The following WDPCP variants were observed in gnomAD, a reference collection of about 807,000 sequenced individuals.
The protein encoded by WDPCP is WD repeat containing planar cell polarity effector, also known as WD repeat-containing and planar cell polarity effector protein fritz homolog.
Under a neutral mutation model 93.1 loss-of-function variants are expected in WDPCP, and 71 were observed. The ratio of observed to expected loss-of-function variants is 0.76; its 90% CI spans 0.63 to 0.93. WDPCP has a LOEUF of 0.93. Among genes scored for constraint, WDPCP ranks in the 40% least tolerant of loss-of-function variants. The pLI is 0.00. For missense variants in WDPCP, 844 were observed against 887.4 expected, an observed-to-expected ratio of 0.95 and a Z score of 0.62; for synonymous variants, 315 against 315.0, an observed-to-expected ratio of 1.00 and a Z score of 0.00.
intron 14 of WDPCP, among the ~76,000 whole-genome samples, chr2:63,223,381 A>G (rs553043458): frequency 2.6e-5 from 4 of 152,286 alleles, no homozygotes; most frequent in East Asian, 3.9e-4. Context: ...CCGAGATAGC[A>G]TATTGTTTGG....
intron 3 of WDPCP, among the ~76,000 whole-genome samples, chr2:63,612,738 A>C (rs1330571579): frequency 6.6e-6 from 1 of 152,118 alleles, no homozygotes; most frequent in African/African-American, 2.4e-5. Context: ...GTTTTCAGTT[A>C]CTCATCACTG....
intron 12 of WDPCP, among the ~76,000 whole-genome samples, chr2:63,358,247 G>GA (rs930031803): frequency 6.8e-5 from 10 of 147,942 alleles, no homozygotes; most frequent in East Asian, 2.0e-4. Context: ...TTTTAAAAAA[G>GA]AAAAAAAAAT....
intron 1 of WDPCP, among the ~76,000 whole-genome samples, chr2:63,520,352 G>A (rs1239164820): frequency 6.6e-6 from 1 of 152,140 alleles, no homozygotes; most frequent in Non-Finnish European, 1.5e-5. Flanking sequence ...AACCTCACTA[G>A]AGAGGCCAAC....
At chr2:63,122,621 G>C (rs1461454011) in intron 17 of WDPCP, among the ~76,000 whole-genome samples, 1 of 152,098 alleles carries the variant, frequency 6.6e-6, no homozygotes, top group African/African-American at 2.4e-5. Flanking sequence ...GTCAGTTACA[G>C]AAAAACAGAA....
intron 2 of WDPCP, among the ~76,000 whole-genome samples, chr2:63,813,466 C>T (rs1002971682): frequency 6.6e-6 from 1 of 152,166 alleles, no homozygotes; most frequent in Non-Finnish European, 1.5e-5. Context: ...CAGCAAGCTG[C>T]CCTTTCAGTC....
rs1472336001 is a variant in WDPCP at position 63,496,742 on chromosome 2, AAAG to A, written c.76-3805_76-3803del. On this transcript the variant is annotated intron_variant, in intron 1 of 17. Transcript: ENST00000272321. Reference sequence around the variant, plus strand: ...GTTTCCCATTAAAAAGCACAGGACAAAAGAAGGAGAGAGACATTCTTCTCCTAC... The same window carrying A: ...GTTTCCCATTAAAAAGCACAGGACAAAAGGAGAGAGACATTCTTCTCCTAC... Among the ~76,000 whole-genome samples, 15 of 152,300 alleles carry A rather than the reference AAAG, an allele frequency of 9.8e-5. No homozygotes were observed. In the East Asian group the frequency reaches 2.3e-3, roughly 24 times the overall value.
At chr2:63,793,530 G>GGCCC (rs1173367968) in intron 2 of WDPCP, among the ~76,000 whole-genome samples, 2 of 152,140 alleles carry the variant, frequency 1.3e-5, no homozygotes, top group African/African-American at 4.8e-5. Context: ...AAGACTGCTT[G>GGCCC]AGCCTAGGAG....
At chr2:63,801,224 G>C (rs914525554) in intron 2 of WDPCP, among the ~76,000 whole-genome samples, 1 of 152,160 alleles carries the variant, frequency 6.6e-6, no homozygotes, top group Non-Finnish European at 1.5e-5. Flanking sequence ...GTTTGCCTCA[G>C]GTTAAAAAAT....
chr2:63,142,523 T>G (rs968954192), intron 17 of WDPCP, among the ~76,000 whole-genome samples: 2 of 152,214 alleles, frequency 1.3e-5, no homozygotes, highest in Non-Finnish European at 2.9e-5. Context: ...TTCAATTTTT[T>G]AAAATTTATT....
At chr2:63,753,158 G>A (rs779526367) in intron 2 of WDPCP, among the ~76,000 whole-genome samples, 1 of 152,060 alleles carries the variant, frequency 6.6e-6, no homozygotes, top group Non-Finnish European at 1.5e-5. Flanking sequence ...GGGGCTGGGC[G>A]CAGTGGCTCA....
At chr2:63,584,137 AAC>A (rs148671468) in intron 1 of WDPCP, among the ~76,000 whole-genome samples, 3,899 of 152,152 alleles carry the variant, frequency 0.026, 153 homozygotes, top group African/African-American at 0.087. Flanking sequence ...CAGCCTGGGA[AAC>A]AGAGTGAGAT....
chr2:63,831,460 T>C (rs569049525), upstream of WDPCP, among the ~76,000 whole-genome samples: 2 of 152,318 alleles, frequency 1.3e-5, no homozygotes, highest in South Asian at 2.1e-4. Flanking sequence ...CTGAACTTTT[T>C]TCCACTTGAG....
chr2:63,560,688 T>C (rs185696046), intron 1 of WDPCP, among the ~76,000 whole-genome samples: 49 of 152,048 alleles, frequency 3.2e-4, no homozygotes, highest in African/African-American at 1.1e-3. Flanking sequence ...TGCAGGGACA[T>C]AGATGAAGCT....
At chr2:63,724,843 G>A (rs56101159) in intron 2 of WDPCP, among the ~76,000 whole-genome samples, 3,812 of 152,284 alleles carry the variant, frequency 0.025, 46 homozygotes, top group East Asian at 0.034. Context: ...ACCTCTGCCA[G>A]CACATGTGGG....
intron 13 of WDPCP, among the ~76,000 whole-genome samples, chr2:63,305,863 A>C (rs1685691235): frequency 6.6e-6 from 1 of 152,180 alleles, no homozygotes. Flanking sequence ...AACATAAATG[A>C]CCTGATGGAG....
intron 13 of WDPCP, among the ~76,000 whole-genome samples, chr2:63,267,622 C>T (rs1268280415): frequency 6.6e-6 from 1 of 152,116 alleles, no homozygotes; most frequent in Non-Finnish European, 1.5e-5. Flanking sequence ...ATAAGGAATT[C>T]AAACAACTCA....
chr2:63,456,282 T>C (rs1205086539), intron 6 of WDPCP, among the ~76,000 whole-genome samples: 1 of 152,038 alleles, frequency 6.6e-6, no homozygotes, highest in Non-Finnish European at 1.5e-5. Flanking sequence ...CCAGGCGTGG[T>C]GGTGCATGCT....
At chr2:63,377,147 GTGACACCACCAATAACTTGTTATT>G (rs1234773535) in intron 12 of WDPCP, among the ~76,000 whole-genome samples, 1 of 151,812 alleles carries the variant, frequency 6.6e-6, no homozygotes, top group African/African-American at 2.4e-5. Context: ...GTTCAAAGAT[GTGACACCACCAATAACTTGTTATT>G]TGATCTAAGC....
At chr2:63,809,451 C>T (rs1252475988) in intron 2 of WDPCP, among the ~76,000 whole-genome samples, 12 of 152,142 alleles carry the variant, frequency 7.9e-5, no homozygotes, top group African/African-American at 2.4e-4. Context: ...ATGACAATGG[C>T]GGTTTTGTGG....
Sources: allele counts gnomAD v4.1 joint callset (sites outside exome capture counted in the v4.1 genomes callset), GRCh38; gene constraint gnomAD v4.1.1; transcripts MANE v1.5; gene names NCBI Gene and HGNC (gene_info 2026-07-23, HGNC 2026-07-21).